The following CCSER1 variants were observed in gnomAD, a reference collection of about 807,000 sequenced individuals.
The protein encoded by CCSER1 is serine-rich coiled-coil domain-containing protein 1.
A neutral mutation model predicts 82.0 loss-of-function variants in CCSER1; 41 were observed. The observed-to-expected ratio is 0.50, with a 90% CI of 0.39 to 0.65. CCSER1 has a LOEUF of 0.65. Ranked by LOEUF, CCSER1 falls within the 30% of genes least tolerant of loss-of-function variation. The pLI, the probability that CCSER1 is intolerant of heterozygous loss-of-function variation, is 0.00. For missense variants in CCSER1, 1,119 were observed against 1,064.2 expected, an observed-to-expected ratio of 1.05 and a Z score of -0.72; for synonymous variants, 414 against 383.9, an observed-to-expected ratio of 1.08 and a Z score of -0.92.
chr4:90,195,046 C>T lies in CCSER1; in HGVS notation c.-42+67215C>T, dbSNP rs755675870. Among the ~76,000 whole-genome samples, 5 of 152,002 alleles carry T rather than the reference C, an allele frequency of 3.3e-5. No individual in the cohort carries two copies. In the East Asian group the frequency reaches 7.7e-4, roughly 23 times the overall value. ...AATAAATTAATGAATTATCTCAAAT[C>T]AAGAATTTATGGACATTCCTGTCAT... is the stretch of plus-strand genomic sequence containing the variant. On this transcript the variant is annotated intron_variant, in intron 1 of 10. Transcript: ENST00000509176.
At chr4:91,177,329 C>T (rs1309459073) in intron 10 of CCSER1, among the ~76,000 whole-genome samples, 1 of 152,186 alleles carries the variant, frequency 6.6e-6, no homozygotes, top group Admixed American at 6.5e-5. Flanking sequence ...TGATGCTGGC[C>T]TCATAAAATG....
At chr4:91,088,844 A>G (rs1340915683) in intron 10 of CCSER1, among the ~76,000 whole-genome samples, 2 of 152,230 alleles carry the variant, frequency 1.3e-5, no homozygotes, top group Non-Finnish European at 2.9e-5. Flanking sequence ...GGTAAGACAC[A>G]TAGATAAGTC....
intron 10 of CCSER1, among the ~76,000 whole-genome samples, chr4:91,411,491 C>CATACATATATATATAT (rs1186692045): frequency 7.4e-5 from 4 of 53,792 alleles, no homozygotes; most frequent in East Asian, 2.8e-3. Flanking sequence ...TGCATATATA[C>CATACATATATATATAT]ATATATATAT....
intron 3 of CCSER1, among the ~76,000 whole-genome samples, chr4:90,332,671 C>T (rs975806517): frequency 6.6e-6 from 1 of 152,078 alleles, no homozygotes; most frequent in African/African-American, 2.4e-5. Context: ...CCTTCTGTCT[C>T]TGTGATAAAA....
rs145210070 is a variant in CCSER1 at position 90,650,088 on chromosome 4, G to C, written c.1932+21856G>C. 6.9e-3 allele frequency among the ~76,000 whole-genome samples: 1,055 copies of C among 152,140 alleles called. 9 individuals carry two copies. The highest frequency in any genetic ancestry group is 0.024 in the African/African-American group (988 of 41,548). ...AAAAATTAGCCGGGCATGGTGGCAG[G>C]CACCTGTAATCCCAGCTACTCGGGA... On this transcript the variant is annotated intron_variant, in intron 6 of 10. Coordinates refer to ENST00000509176, the MANE Select transcript of CCSER1 (RefSeq NM_001145065.2).
At chr4:90,188,650 C>T (rs1735065862) in intron 1 of CCSER1, among the ~76,000 whole-genome samples, 1 of 151,934 alleles carries the variant, frequency 6.6e-6, no homozygotes, top group African/African-American at 2.4e-5. Context: ...TTAGCTCCTT[C>T]TTAATATCTT....
chr4:91,494,097 G>A (rs1425804217), intron 10 of CCSER1, among the ~76,000 whole-genome samples: 1 of 151,788 alleles, frequency 6.6e-6, no homozygotes, highest in Non-Finnish European at 1.5e-5. Flanking sequence ...TAAGCAACAA[G>A]GTGCCATCTT....
chr4:91,593,973 G>T (rs1040102125), intron 10 of CCSER1, among the ~76,000 whole-genome samples: 2 of 152,078 alleles, frequency 1.3e-5, no homozygotes, highest in African/African-American at 4.8e-5. Context: ...CAATTAAAAG[G>T]TAACAATGAA....
At position 90,804,145 on chromosome 4, in the gene CCSER1, T is replaced by C. The variant is rs1324741268; in HGVS notation, c.2011-11617T>C. ...TCAGATGGATAGACTGCAAAAATTT[T>C]CTCCCATTCTGTAGGCTGCCTGTTC... On this transcript the variant is annotated intron_variant, in intron 7 of 10. Coordinates refer to ENST00000509176, the MANE Select transcript of CCSER1 (RefSeq NM_001145065.2). 3.9e-5 allele frequency among the ~76,000 whole-genome samples: 6 copies of C among 152,348 alleles called. No individual in the cohort carries two copies. The South Asian group carries it at 8.3e-4, about 21-fold the overall frequency.
chr4:90,779,424 T>A (rs1466365817), intron 7 of CCSER1, among the ~76,000 whole-genome samples: 2 of 151,980 alleles, frequency 1.3e-5, no homozygotes, highest in Non-Finnish European at 2.9e-5. Context: ...AAAAAAAAAA[T>A]CTGCGTCTTG....
intron 8 of CCSER1, among the ~76,000 whole-genome samples, chr4:90,851,699 T>G (rs1763913362): frequency 6.6e-6 from 1 of 152,130 alleles, no homozygotes; most frequent in Non-Finnish European, 1.5e-5. Context: ...TTCACAAGGT[T>G]GTTCTGAAAT....
intron 10 of CCSER1, among the ~76,000 whole-genome samples, chr4:91,407,747 G>T (rs13130550): frequency 6.6e-6 from 1 of 152,118 alleles, no homozygotes; most frequent in Admixed American, 6.5e-5. Flanking sequence ...CAGGGAACTA[G>T]TAGAGTGAGA....
Position 90,468,254 on chromosome 4 carries a change from C to G in CCSER1, c.1624C>G (p.His542Asp). 1 of 1,602,772 alleles carries G rather than the reference C, an allele frequency of 6.2e-7. No homozygotes were observed. Among genetic ancestry groups the G allele is most frequent in the East Asian group, 2.2e-5 (1 of 44,628 alleles). Residue 542 changes from histidine to aspartate, a missense_variant, in exon 5 of 11, where the codon CAC (histidine) becomes GAC (aspartate). Coordinates refer to ENST00000509176, the MANE Select transcript of CCSER1 (RefSeq NM_001145065.2). ...AACAGTTTGCCGGGAGGACTCATAT[C>G]ACTCTGTCGTCTCATGTGCCGCAGT... ...HPSVCREDSY[H>D]SVVSCAAVVL... is the part of the protein sequence containing the mutation.
intron 10 of CCSER1, among the ~76,000 whole-genome samples, chr4:91,263,073 A>T (rs1741315836): frequency 6.6e-6 from 1 of 152,072 alleles, no homozygotes; most frequent in African/African-American, 2.4e-5. Context: ...AAAATGGGAT[A>T]TGTGAAAATA....
chr4:91,085,206 A>G (rs1188180280), intron 9 of CCSER1, among the ~76,000 whole-genome samples: 3 of 151,940 alleles, frequency 2.0e-5, no homozygotes, highest in African/African-American at 4.8e-5. Context: ...TCAAATTTTC[A>G]TCAAAAATAG....
intron 8 of CCSER1, among the ~76,000 whole-genome samples, chr4:90,865,751 T>A (rs906246701): frequency 6.6e-6 from 1 of 151,988 alleles, no homozygotes; most frequent in Non-Finnish European, 1.5e-5. Flanking sequence ...TCTTCTCAAT[T>A]TTTTTTATTT....
intron 3 of CCSER1, among the ~76,000 whole-genome samples, chr4:90,365,454 T>C (rs1578130128): frequency 6.6e-6 from 1 of 151,930 alleles, no homozygotes; most frequent in Non-Finnish European, 1.5e-5. Context: ...CTAATCAAAA[T>C]ATGCAGACTT....
intron 5 of CCSER1, among the ~76,000 whole-genome samples, chr4:90,485,291 G>A (rs542051613): frequency 6.6e-6 from 1 of 152,172 alleles, no homozygotes; most frequent in Non-Finnish European, 1.5e-5. Flanking sequence ...TCTTTGACTA[G>A]GAAAGTGAAT....
At chr4:91,372,410 T>G (rs1468513690) in intron 10 of CCSER1, among the ~76,000 whole-genome samples, 1 of 152,172 alleles carries the variant, frequency 6.6e-6, no homozygotes, top group South Asian at 2.1e-4. Context: ...TAGAGGTAGC[T>G]CCAAGATCTA....
Sources: gnomAD v4.1 joint callset for allele counts (sites outside exome capture counted in the v4.1 genomes callset) on GRCh38, gnomAD v4.1.1 for gene constraint, MANE v1.5 for transcripts, NCBI Gene and HGNC (gene_info 2026-07-23, HGNC 2026-07-21) for gene names.